The following ADAMTSL1 variants were observed in gnomAD, a reference collection of about 807,000 sequenced individuals.
ADAMTSL1 encodes the protein ADAMTS like 1.
In ADAMTSL1, 126 loss-of-function variants were observed where a neutral mutation model predicts 201.8. That is an observed-to-expected ratio of 0.62 (90% CI 0.54 to 0.72). The LOEUF is 0.72. Ranked by LOEUF, ADAMTSL1 falls within the 30% of genes least tolerant of loss-of-function variation. ADAMTSL1 has a pLI of 0.00. For missense variants in ADAMTSL1, 2,679 were observed against 2,277.8 expected (o/e 1.18, Z -3.59); for synonymous variants, 1,121 against 903.4 (o/e 1.24, Z -4.32).
chr9:18,608,198 A>C (rs1825151750), intron 4 of ADAMTSL1, among the ~76,000 whole-genome samples: 1 of 152,212 alleles, frequency 6.6e-6, no homozygotes, highest in African/African-American at 2.4e-5. Context: ...AAGATAGCAT[A>C]TACACTTCCT....
chr9:17,970,305 C>G (rs992284499), intron 1 of ADAMTSL1, among the ~76,000 whole-genome samples: 3 of 152,030 alleles, frequency 2.0e-5, no homozygotes, highest in Non-Finnish European at 4.4e-5. Context: ...TCCTATCTAC[C>G]CCAACTGCCC....
At chr9:18,173,172 T>C (rs776728601) in intron 2 of ADAMTSL1, among the ~76,000 whole-genome samples, 3 of 152,202 alleles carry the variant, frequency 2.0e-5, no homozygotes, top group Non-Finnish European at 4.4e-5. Flanking sequence ...ATAATGCATG[T>C]ATAACAAAAA....
chr9:18,191,697 G>A (rs911596065), intron 2 of ADAMTSL1, among the ~76,000 whole-genome samples: 3 of 152,278 alleles, frequency 2.0e-5, no homozygotes, highest in East Asian at 1.9e-4. Flanking sequence ...TTCCAGGCCC[G>A]ATTATTAGTA....
At chr9:18,686,067 G>C (rs1830815316) in intron 13 of ADAMTSL1, among the ~76,000 whole-genome samples, 1 of 151,846 alleles carries the variant, frequency 6.6e-6, no homozygotes, top group African/African-American at 2.4e-5. Flanking sequence ...TACAGGTGCA[G>C]GCCACCACAC....
intron 4 of ADAMTSL1, among the ~76,000 whole-genome samples, chr9:18,601,269 A>G (rs530901414): frequency 6.6e-6 from 1 of 152,344 alleles, no homozygotes; most frequent in East Asian, 1.9e-4. Context: ...AAGGATAAAG[A>G]TTAATGACAA....
At chr9:18,529,024 G>A (rs139189450) in intron 2 of ADAMTSL1, among the ~76,000 whole-genome samples, 1 of 152,298 alleles carries the variant, frequency 6.6e-6, no homozygotes, top group Non-Finnish European at 1.5e-5. Flanking sequence ...CTCTGACAGG[G>A]ATTTTGTGCC....
intron 1 of ADAMTSL1, among the ~76,000 whole-genome samples, chr9:18,120,834 T>C (rs1385792242): frequency 6.6e-6 from 1 of 152,158 alleles, no homozygotes; most frequent in Admixed American, 6.6e-5. Context: ...CCCTGAAAAT[T>C]AATTATGGAA....
chr9:18,302,889 G>C (rs1403621633), intron 2 of ADAMTSL1, among the ~76,000 whole-genome samples: 1 of 152,144 alleles, frequency 6.6e-6, no homozygotes, highest in Non-Finnish European at 1.5e-5. Context: ...TTTTGAGTGA[G>C]TGCATGGTGT....
intron 19 of ADAMTSL1, among the ~76,000 whole-genome samples, chr9:18,778,433 C>T (rs984984873): frequency 6.6e-6 from 1 of 152,162 alleles, no homozygotes; most frequent in East Asian, 1.9e-4. Context: ...CCCAGTGGGA[C>T]CTGTGATTGA....
chr9:18,157,792 G>A (rs183763307), intron 1 of ADAMTSL1, among the ~76,000 whole-genome samples: 3 of 152,092 alleles, frequency 2.0e-5, no homozygotes, highest in East Asian at 3.9e-4. Context: ...CCACCCCCAC[G>A]ATCTTCTTGG....
intron 1 of ADAMTSL1, among the ~76,000 whole-genome samples, chr9:18,091,068 CATGTGTGTGTGTGT>C (rs1486573177): frequency 3.4e-5 from 5 of 147,544 alleles, no homozygotes; most frequent in African/African-American, 1.0e-4. Context: ...TGTGTATATG[CATGTGTGTGTGTGT>C]GTGTGTGTGT....
chr9:18,067,041 G>A (rs1822737252), intron 1 of ADAMTSL1, among the ~76,000 whole-genome samples: 1 of 152,068 alleles, frequency 6.6e-6, no homozygotes, highest in African/African-American at 2.4e-5. Flanking sequence ...AATGCTAAAT[G>A]ACGAGTTAAT....
chr9:18,082,150 T>G (rs897295042), intron 1 of ADAMTSL1, among the ~76,000 whole-genome samples: 1 of 152,350 alleles, frequency 6.6e-6, no homozygotes, highest in African/African-American at 2.4e-5. Flanking sequence ...ATTCACATTT[T>G]TTTGGACAGC....
chr9:18,893,417 T>C (rs948593117), intron 26 of ADAMTSL1, among the ~76,000 whole-genome samples: 11 of 152,190 alleles, frequency 7.2e-5, no homozygotes, highest in African/African-American at 2.2e-4. Context: ...TCTTGCTCCC[T>C]TTCTGCATTC....
chr9:18,321,177 C>T (rs760770271), intron 2 of ADAMTSL1, among the ~76,000 whole-genome samples: 83 of 152,162 alleles, frequency 5.5e-4, no homozygotes, highest in Non-Finnish European at 1.0e-3. Context: ...TAATGTCATA[C>T]AAGGTTCATT....
At chr9:18,134,127 G>C (rs1826060806) in intron 1 of ADAMTSL1, among the ~76,000 whole-genome samples, 1 of 152,128 alleles carries the variant, frequency 6.6e-6, no homozygotes, top group Non-Finnish European at 1.5e-5. Flanking sequence ...GCCTAGTTTG[G>C]CACAGTGCAA....
intron 1 of ADAMTSL1, among the ~76,000 whole-genome samples, chr9:18,149,023 C>A (rs777881817): frequency 6.6e-6 from 1 of 151,926 alleles, no homozygotes; most frequent in African/African-American, 2.4e-5. Flanking sequence ...GCAGGTTCTC[C>A]AATAGAAAGT....
chr9:18,822,289 T>G (rs1824258357), intron 21 of ADAMTSL1, among the ~76,000 whole-genome samples: 1 of 152,260 alleles, frequency 6.6e-6, no homozygotes, highest in East Asian at 1.9e-4. Context: ...TGACCAAGCT[T>G]CTCAACAAGA....
rs764985052 is a variant in ADAMTSL1, at chr9:18,680,348, G to A, written c.1173G>A (p.Ser391=). ...CCCCATGGACCGCGTGCTCCTCCTC[G>A]TGTGGGGGGGGCATCCAGAGCCGGG... The part of the protein sequence containing the change: ...EATPWTACSS[S]CGGGIQSRAV... The change falls in exon 11 of 29, where the codon TCG becomes TCA. Residue 391 remains serine, a synonymous_variant. Transcript: ENST00000380548. The A allele has an allele frequency of 4.8e-5, 78 of 1,614,148 alleles. No individual in the cohort carries two copies. The African/African-American group carries it at 6.3e-4, about 13-fold the overall frequency.
Sources: gnomAD v4.1 joint callset for allele counts (sites outside exome capture counted in the v4.1 genomes callset) on GRCh38, gnomAD v4.1.1 for gene constraint, MANE v1.5 for transcripts, NCBI Gene and HGNC (gene_info 2026-07-23, HGNC 2026-07-21) for gene names.